The following SYN3 variants were observed in gnomAD, a reference collection of about 807,000 sequenced individuals.
SYN3 encodes the protein synapsin III.
SYN3 carries 35 observed loss-of-function variants against 65.8 expected under a neutral mutation model. The observed-to-expected ratio is 0.53, with a 90% CI of 0.41 to 0.70. The LOEUF is 0.70. SYN3 is among the 30% of genes least tolerant of loss of function. SYN3 has a pLI of 0.00. For missense variants in SYN3, 680 were observed against 749.0 expected, an observed-to-expected ratio of 0.91 and a Z score of 1.08; for synonymous variants, 270 against 292.9, an observed-to-expected ratio of 0.92 and a Z score of 0.80.
intron 10 of SYN3, among the ~76,000 whole-genome samples, chr22:32,530,521 C>T (rs1276904193): frequency 6.6e-6 from 1 of 151,916 alleles, no homozygotes; most frequent in African/African-American, 2.4e-5. Flanking sequence ...CCAGGCTTGG[C>T]TTCTGCTGTG....
chr22:32,559,825 G>C lies in SYN3; in HGVS notation c.775-18112C>G, dbSNP rs574476686. Among the ~76,000 whole-genome samples the C allele has an allele frequency of 7.1e-5, 10 of 139,948 alleles. No individual in the cohort carries two copies. The East Asian group carries it at 2.1e-3, about 29-fold the overall frequency. The allele number at this position is 139,948 out of a possible 152,430, so 91.8% of individuals were successfully genotyped here. A position where few individuals can be genotyped will look rare whatever the true frequency, so the allele number is the denominator to read the frequency against. Reference sequence around the variant, plus strand: ...AGCCTGGGAGACAGAGCGAGACTCCGTCTCAACAAAAAAAAAAAAAAAGAA... The same window carrying C: ...AGCCTGGGAGACAGAGCGAGACTCCCTCTCAACAAAAAAAAAAAAAAAGAA... On this transcript the variant is annotated intron_variant, in intron 7 of 13. Transcript: ENST00000358763.
At chr22:32,991,385 C>T (rs2052714021) in intron 2 of SYN3, among the ~76,000 whole-genome samples, 1 of 112,800 alleles carries the variant, frequency 8.9e-6, no homozygotes, top group Non-Finnish European at 2.0e-5. Flanking sequence ...AATAATAGAA[C>T]ATTCATATAA....
chr22:32,858,026 A>G (rs2048421133), intron 6 of SYN3: 1 of 1,614,174 alleles, frequency 6.2e-7, no homozygotes, highest in Non-Finnish European at 8.5e-7. Flanking sequence ...GGTCGCGTCT[A>G]TGATGGCAAG....
rs147764988 is a variant in SYN3, at chr22:32,989,095, G to A, written c.312-8393C>T. ...TGAGCTGCTCCCCGATGGGCTGCAA[G>A]GGTAGAATTTGATCTCCCCAGGTAA... On this transcript the variant is annotated intron_variant, in intron 2 of 13. Coordinates refer to ENST00000358763, the MANE Select transcript of SYN3 (RefSeq NM_003490.4). 2.7e-4 allele frequency among the ~76,000 whole-genome samples: 41 copies of A among 152,316 alleles called. No homozygotes were observed. In the East Asian group the frequency reaches 7.5e-3, roughly 28 times the overall value.
intron 3 of SYN3, among the ~76,000 whole-genome samples, chr22:32,962,705 CTTAG>C (rs1397497225): frequency 2.6e-5 from 4 of 152,090 alleles, no homozygotes; most frequent in Admixed American, 1.3e-4. Context: ...CTCTCTGAAC[CTTAG>C]TTTCTTTGTC....
chr22:32,818,809 G>T (rs143514005), intron 6 of SYN3, among the ~76,000 whole-genome samples: 1 of 152,152 alleles, frequency 6.6e-6, no homozygotes, highest in Admixed American at 6.5e-5. Flanking sequence ...CAAGAGATTC[G>T]CAGGTAGGGC....
chr22:32,682,870 T>C (rs1181053423), intron 6 of SYN3, among the ~76,000 whole-genome samples: 23 of 152,276 alleles, frequency 1.5e-4, no homozygotes, highest in African/African-American at 5.5e-4. Flanking sequence ...GGTACCCATG[T>C]GTTATCATTT....
chr22:32,821,343 A>C (rs1482657579), intron 6 of SYN3, among the ~76,000 whole-genome samples: 3 of 152,184 alleles, frequency 2.0e-5, no homozygotes, highest in Non-Finnish European at 4.4e-5. Context: ...TGAAAAGCAC[A>C]TTCTTTACGT....
At chr22:32,943,627 G>A (rs1332552780) in intron 3 of SYN3, among the ~76,000 whole-genome samples, 1 of 152,174 alleles carries the variant, frequency 6.6e-6, no homozygotes, top group East Asian at 1.9e-4. Flanking sequence ...TGGACTAAAT[G>A]CTCCAATTAA....
chr22:32,909,865 G>A (rs150539259), intron 4 of SYN3, among the ~76,000 whole-genome samples: 1 of 152,060 alleles, frequency 6.6e-6, no homozygotes, highest in Non-Finnish European at 1.5e-5. Flanking sequence ...CGGGTCGGTC[G>A]GCCTGGGACT....
chr22:32,644,101 A>AT (rs1555914434), intron 6 of SYN3, among the ~76,000 whole-genome samples: 2 of 71,226 alleles, frequency 2.8e-5, no homozygotes, highest in Non-Finnish European at 5.3e-5. Context: ...AAAAAAAAAA[A>AT]AGCGACAAGA....
intron 1 of SYN3, among the ~76,000 whole-genome samples, chr22:33,046,736 G>T (rs374238892): frequency 6.6e-6 from 1 of 151,328 alleles, no homozygotes; most frequent in Non-Finnish European, 1.5e-5. Context: ...CCAGCTACTC[G>T]GGAAGCTGAG....
intron 6 of SYN3, among the ~76,000 whole-genome samples, chr22:32,693,754 G>C (rs1032006347): frequency 6.6e-6 from 1 of 151,778 alleles, no homozygotes; most frequent in African/African-American, 2.4e-5. Context: ...ACCATGCCCA[G>C]CTAATTTTTG....
At chr22:32,945,973 A>C (rs138994116) in intron 3 of SYN3, among the ~76,000 whole-genome samples, 3,399 of 152,320 alleles carry the variant, frequency 0.022, 130 homozygotes, top group African/African-American at 0.078. Context: ...AGAGAAATGC[A>C]AATCAAAACC....
intron 6 of SYN3, among the ~76,000 whole-genome samples, chr22:32,850,148 T>C (rs2048178895): frequency 6.6e-6 from 1 of 150,932 alleles, no homozygotes; most frequent in African/African-American, 2.4e-5. Flanking sequence ...TCATTAAACA[T>C]ATTACTGAGG....
intron 6 of SYN3, among the ~76,000 whole-genome samples, chr22:32,808,662 C>T (rs2046830811): frequency 6.6e-6 from 1 of 152,162 alleles, no homozygotes; most frequent in Non-Finnish European, 1.5e-5. Flanking sequence ...CCATGACACC[C>T]CCTCGGTTTT....
intron 10 of SYN3, 150 bp from the exon 11 acceptor site, chr22:32,529,158 G>T: frequency 2.2e-6 from 2 of 913,762 alleles, no homozygotes; most frequent in Non-Finnish European, 3.3e-6. Context: ...AGCTGGGACT[G>T]GCCGGCAGCG....
At chr22:32,704,368 C>T (rs552924907) in intron 6 of SYN3, among the ~76,000 whole-genome samples, 27 of 152,232 alleles carry the variant, frequency 1.8e-4, no homozygotes, top group African/African-American at 6.5e-4. Context: ...GCCTCCAGCT[C>T]CATCCATGTT....
chr22:32,628,729 C>T (rs1327338166), intron 6 of SYN3, among the ~76,000 whole-genome samples: 2 of 150,876 alleles, frequency 1.3e-5, no homozygotes, highest in East Asian at 1.9e-4. Flanking sequence ...GCCTGGGGCA[C>T]AAGAGCGAGA....
Sources: gnomAD v4.1 joint callset for allele counts (sites outside exome capture counted in the v4.1 genomes callset) on GRCh38, gnomAD v4.1.1 for gene constraint, MANE v1.5 for transcripts, NCBI Gene and HGNC (gene_info 2026-07-23, HGNC 2026-07-21) for gene names.